The following TRABD2A variants were observed in gnomAD, a reference collection of about 807,000 sequenced individuals.
TRABD2A encodes TraB domain containing 2A, also known as metalloprotease TIKI1.
Under a neutral mutation model 45.6 loss-of-function variants are expected in TRABD2A, and 43 were observed. The observed-to-expected ratio is 0.94, with a 90% CI of 0.74 to 1.22. TRABD2A has a LOEUF of 1.22. Among genes scored for constraint, TRABD2A ranks in the 50% most tolerant of loss-of-function variants. The pLI, the probability that TRABD2A is intolerant of heterozygous loss-of-function variation, is 0.00. For missense variants in TRABD2A, 642 were observed against 652.4 expected (o/e 0.98, Z 0.17); for synonymous variants, 269 against 265.0 (o/e 1.02, Z -0.15).
intron 6 of TRABD2A, among the ~76,000 whole-genome samples, chr2:84,822,701 G>C (rs149087720): frequency 7.2e-4 from 109 of 152,308 alleles, no homozygotes; most frequent in African/African-American, 2.5e-3. Flanking sequence ...GTCAATGGAG[G>C]ATGGTTCATG....
intron 4 of TRABD2A, 44 bp from the exon 5 acceptor site, chr2:84,832,189 C>A: frequency 6.3e-7 from 1 of 1,591,584 alleles, no homozygotes; most frequent in South Asian, 1.1e-5. Flanking sequence ...CTCTCAGGAC[C>A]ACCAAACATA....
At chr2:84,870,882 A>G in intron 1 of TRABD2A, 97 bp from the exon 2 acceptor site, 1 of 1,213,918 alleles carries the variant, frequency 8.2e-7, no homozygotes. Flanking sequence ...TCAAGAGAAA[A>G]GATATCAAAG....
chr2:84,849,993 A>G (rs1371759224), intron 2 of TRABD2A, among the ~76,000 whole-genome samples: 3 of 152,222 alleles, frequency 2.0e-5, no homozygotes. Context: ...TTAAAACATT[A>G]TTTCAAAAGA....
chr2:84,848,897 A>G (rs1446516738), intron 2 of TRABD2A, among the ~76,000 whole-genome samples: 16 of 152,094 alleles, frequency 1.1e-4, no homozygotes. Context: ...ATAATGTAAG[A>G]TAAAACAAGC....
intron 5 of TRABD2A, among the ~76,000 whole-genome samples, chr2:84,824,435 G>A (rs1192063313): frequency 6.6e-6 from 1 of 151,564 alleles, no homozygotes; most frequent in African/African-American, 2.4e-5. Context: ...AAATCCCCTA[G>A]TCCTGGGGAG....
chr2:84,822,209 C>T, intron 6 of TRABD2A, 109 bp from the exon 7 acceptor site: 1 of 917,274 alleles, frequency 1.1e-6, no homozygotes, highest in Non-Finnish European at 1.6e-6. Flanking sequence ...TCCTTATAGA[C>T]AGGAATGGGT....
At chr2:84,855,792 C>A (rs535595296) in intron 2 of TRABD2A, among the ~76,000 whole-genome samples, 1 of 152,126 alleles carries the variant, frequency 6.6e-6, no homozygotes, top group Non-Finnish European at 1.5e-5. Flanking sequence ...TGTGGGGAGA[C>A]CCAAGTCCCA....
chr2:84,853,242 G>A (rs565385940), intron 2 of TRABD2A, among the ~76,000 whole-genome samples: 12 of 151,674 alleles, frequency 7.9e-5, no homozygotes, highest in Non-Finnish European at 1.3e-4. Context: ...GTGTTAGTCC[G>A]TTCTCACGCT....
At chr2:84,835,649 T>C (rs945515901) in intron 4 of TRABD2A, 1 of 152,364 alleles carries the variant, frequency 6.6e-6, no homozygotes, top group African/African-American at 2.4e-5. Context: ...ACTCCTGAGC[T>C]CAAGTGATCC....
chr2:84,868,567 TTAAC>T (rs1198595505), intron 2 of TRABD2A, among the ~76,000 whole-genome samples: 5 of 149,884 alleles, frequency 3.3e-5, no homozygotes, highest in Non-Finnish European at 5.9e-5. Flanking sequence ...CTAATTAACA[TTAAC>T]TAATTAACTA....
At chr2:84,836,319 GA>G (rs1681508031) in intron 4 of TRABD2A, 1 of 152,212 alleles carries the variant, frequency 6.6e-6, no homozygotes, top group African/African-American at 2.4e-5. Context: ...ATTTTTGCTG[GA>G]TGTGGAAATG....
intron 2 of TRABD2A, among the ~76,000 whole-genome samples, chr2:84,860,032 A>G (rs1432650668): frequency 2.0e-5 from 3 of 152,088 alleles, no homozygotes; most frequent in Non-Finnish European, 2.9e-5. Context: ...ATTAGCCACA[A>G]TGCAAGCACC....
At chr2:84,868,264 G>T (rs992461930) in intron 2 of TRABD2A, among the ~76,000 whole-genome samples, 8 of 152,100 alleles carry the variant, frequency 5.3e-5, no homozygotes, top group Admixed American at 3.9e-4. Context: ...CCATAAAAAA[G>T]GATGAGTTCA....
chr2:84,852,628 G>A (rs1193135426), intron 2 of TRABD2A, among the ~76,000 whole-genome samples: 1 of 152,126 alleles, frequency 6.6e-6, no homozygotes, highest in Non-Finnish European at 1.5e-5. Context: ...ACCTGGAGGT[G>A]CTTCCAGCAC....
chr2:84,852,996 T>G (rs1333809499), intron 2 of TRABD2A, among the ~76,000 whole-genome samples: 1 of 151,814 alleles, frequency 6.6e-6, no homozygotes, highest in Non-Finnish European at 1.5e-5. Context: ...TGGGTTAAAT[T>G]TTTCCCCCCA....
intron 6 of TRABD2A, among the ~76,000 whole-genome samples, chr2:84,823,713 C>T (rs1420136608): frequency 1.3e-5 from 2 of 152,194 alleles, no homozygotes; most frequent in African/African-American, 2.4e-5. Flanking sequence ...ACTCATCCTA[C>T]CCCGAAACTT....
At position 84,821,885 on chromosome 2, in the gene TRABD2A, G is replaced by C; in HGVS notation, c.*32C>G. ...GGAATGGCCATTCTTCAAGTCCGAG[G>C]GGTCAGGTTCTTAGCCTGGTGCTTC... On this transcript the variant is annotated 3_prime_UTR_variant, in exon 7 of 7. Coordinates refer to ENST00000409520, the MANE Select transcript of TRABD2A (RefSeq NM_001277053.2). 1 of 1,527,056 alleles carries C rather than the reference G, an allele frequency of 6.5e-7. No homozygotes were observed. Among genetic ancestry groups the C allele is most frequent in the South Asian group, 1.3e-5 (1 of 76,288 alleles). The allele number at this position is 1,527,056 out of a possible 1,614,324, so 94.6% of individuals were successfully genotyped here.
At chr2:84,866,682 CTTTT>C (rs111567421) in intron 2 of TRABD2A, among the ~76,000 whole-genome samples, 171 of 139,448 alleles carry the variant, frequency 1.2e-3, no homozygotes, top group African/African-American at 3.8e-3. Flanking sequence ...CAATTTCCTG[CTTTT>C]TTTTTTTTTT....
chr2:84,863,989 A>G (rs747951164), intron 2 of TRABD2A, among the ~76,000 whole-genome samples: 36 of 151,674 alleles, frequency 2.4e-4, no homozygotes, highest in Admixed American at 1.4e-3. Context: ...TGGAAAAGTC[A>G]TCTATGAGCA....
Sources: gnomAD v4.1 joint callset for allele counts (sites outside exome capture counted in the v4.1 genomes callset) on GRCh38, gnomAD v4.1.1 for gene constraint, MANE v1.5 for transcripts, NCBI Gene and HGNC (gene_info 2026-07-23, HGNC 2026-07-21) for gene names.